Variants in SRFBP1 observed in about 807,000 individuals in gnomAD.
SRFBP1 encodes the protein serum response factor-binding protein 1.
SRFBP1 carries 47 observed loss-of-function variants against 45.5 expected under a neutral mutation model. That is an observed-to-expected ratio of 1.03 (90% CI 0.82 to 1.32). The LOEUF (loss-of-function observed/expected upper bound fraction) is 1.32, where lower values mean the gene tolerates loss of function less well. Among genes scored for constraint, SRFBP1 ranks in the 40% most tolerant of loss-of-function variants. The probability of loss-of-function intolerance (pLI) is 0.00; values close to 1 mark genes in which losing one functional copy is unlikely to be tolerated. For synonymous variants in SRFBP1, 203 were observed against 166.3 expected, an observed-to-expected ratio of 1.22 and a Z score of -1.70; for missense variants, 621 against 484.6, an observed-to-expected ratio of 1.28 and a Z score of -2.64.
At chr5:122,045,258 A>G (rs1206811930) in intron 2 of SRFBP1, among the ~76,000 whole-genome samples, 1 of 151,990 alleles carries the variant, frequency 6.6e-6, no homozygotes, top group Non-Finnish European at 1.5e-5. Flanking sequence ...GTTACTGTAG[A>G]TCTGTAGTAT....
downstream of SRFBP1, among the ~76,000 whole-genome samples, chr5:122,030,877 A>G (rs893177276): frequency 1.3e-5 from 2 of 152,222 alleles, no homozygotes; most frequent in Non-Finnish European, 2.9e-5. Context: ...AGAAAGGTTG[A>G]ACAACTAAAA....
At chr5:122,077,267 G>T (rs572695424), downstream of SRFBP1, 494 of 1,569,122 alleles carry the variant, frequency 3.1e-4, 11 homozygotes, top group South Asian at 5.7e-3. The surrounding 1 kb of genome is among the most constrained non-coding windows in gnomAD (Gnocchi z 4.9). Context: ...GAGGACCGGG[G>T]CCCGCCGCGC....
chr5:122,004,438 T>A (rs933000858), intron 4 of SRFBP1, among the ~76,000 whole-genome samples: 1 of 152,212 alleles, frequency 6.6e-6, no homozygotes, highest in African/African-American at 2.4e-5. Context: ...TGGCCATAAA[T>A]GCGTGGATTT....
downstream of SRFBP1, chr5:122,078,090 G>A (rs1754696612): frequency 5.5e-6 from 6 of 1,100,828 alleles, no homozygotes; most frequent in Non-Finnish European, 6.0e-6. Context: ...AACCAAGGAG[G>A]CGAGCGGAGC....
At chr5:121,969,952 T>G (rs1001774691) in intron 1 of SRFBP1, among the ~76,000 whole-genome samples, 1 of 152,136 alleles carries the variant, frequency 6.6e-6, no homozygotes, top group Non-Finnish European at 1.5e-5. Flanking sequence ...CATACTGTTT[T>G]TACAATTCTA....
chr5:121,976,890 T>A (rs1039105561), intron 3 of SRFBP1, among the ~76,000 whole-genome samples: 9 of 151,312 alleles, frequency 5.9e-5, no homozygotes, highest in Non-Finnish European at 1.2e-4. Flanking sequence ...AATATATACA[T>A]ACACACACAC....
rs772009075 is a variant in SRFBP1 at position 122,019,349 on chromosome 5, T to C, written c.352+8T>C. 6 of 1,604,766 alleles carry C rather than the reference T, an allele frequency of 3.7e-6. No individual in the cohort carries two copies. The African/African-American group carries it at 8.0e-5, about 22-fold the overall frequency. On this transcript the variant is annotated splice_region_variant and intron_variant, in intron 5 of 7. Transcript: ENST00000339397. The stretch of plus-strand genomic sequence containing the variant: ...AGATAGATGTGCTAAAAGGTATGAA[T>C]TAAATGACTTTTAAGCCATGTACTT...
intron 4 of SRFBP1, among the ~76,000 whole-genome samples, chr5:122,001,993 T>A (rs1340518112): frequency 6.6e-6 from 1 of 152,244 alleles, no homozygotes; most frequent in African/African-American, 2.4e-5. Context: ...AGAAAAAGAT[T>A]TAAAAATACT....
chr5:121,977,416 CTATA>C (rs1443542956), intron 3 of SRFBP1, among the ~76,000 whole-genome samples: 2 of 152,038 alleles, frequency 1.3e-5, no homozygotes, highest in African/African-American at 4.8e-5. Context: ...ACTAGAAAGA[CTATA>C]TATTTGCTGT....
chr5:122,026,640 G>A (rs1753486737), intron 7 of SRFBP1, among the ~76,000 whole-genome samples: 1 of 152,076 alleles, frequency 6.6e-6, no homozygotes, highest in African/African-American at 2.4e-5. Context: ...TTCCATGCTA[G>A]TACAACAGAG....
intron 3 of SRFBP1, among the ~76,000 whole-genome samples, chr5:121,989,210 C>T (rs533346340): frequency 5.3e-5 from 8 of 152,060 alleles, no homozygotes; most frequent in East Asian, 3.9e-4. Flanking sequence ...ATTACAGGCA[C>T]GTGCCACTAC....
chr5:122,033,335 A>G (rs1480829165), downstream of SRFBP1, among the ~76,000 whole-genome samples: 1 of 152,088 alleles, frequency 6.6e-6, no homozygotes, highest in Non-Finnish European at 1.5e-5. Context: ...TATTTCTGCC[A>G]TATAATCAGA....
At position 122,028,605 on chromosome 5, in the gene SRFBP1, A is replaced by C. The variant is rs1753538386; in HGVS notation, c.*1479A>C. On this transcript the variant is annotated 3_prime_UTR_variant, in exon 8 of 8. Coordinates refer to ENST00000339397, the MANE Select transcript of SRFBP1 (RefSeq NM_152546.3). ...CTGGGTGACAGAGTATGACTGTCTC[A>C]AAAAAAAAAAAAAATTTGATAAATA... 1 of 127,332 alleles carries C rather than the reference A, an allele frequency of 7.9e-6. No homozygotes were observed. Among genetic ancestry groups the C allele is most frequent in the Non-Finnish European group, 1.7e-5 (1 of 59,696 alleles). 7.9% of individuals were successfully genotyped at this position (127,332 alleles called of 1,614,324 possible).
chr5:122,066,798 T>G, intron 2 of SRFBP1: 1 of 1,168,286 alleles, frequency 8.6e-7, no homozygotes, highest in East Asian at 2.3e-5. Context: ...GATAATATAA[T>G]GAATGAGTAC....
chr5:122,022,576 C>A, intron 7 of SRFBP1, among the ~76,000 whole-genome samples, 169 bp downstream of exon 7: 1 of 152,056 alleles, frequency 6.6e-6, no homozygotes. Flanking sequence ...TGTTGGTTTT[C>A]TTTTCTTCTG....
chr5:121,962,390 G>A lies in SRFBP1; in HGVS notation c.36+322G>A, dbSNP rs1431671206. ...GTCCCAGGGTTGTGAGATTAACTGAGATACGTAAAGTATTTGCAAGTGCCT... is the reference window on the plus strand; with the variant it reads ...GTCCCAGGGTTGTGAGATTAACTGAAATACGTAAAGTATTTGCAAGTGCCT... On this transcript the variant is annotated intron_variant, in intron 1 of 7. Coordinates refer to ENST00000339397, the MANE Select transcript of SRFBP1 (RefSeq NM_152546.3). Among the ~76,000 whole-genome samples the A allele has an allele frequency of 2.0e-5, 3 of 152,172 alleles. No individual in the cohort carries two copies. The East Asian group carries it at 5.8e-4, about 29-fold the overall frequency.
intron 4 of SRFBP1, among the ~76,000 whole-genome samples, chr5:121,998,846 C>G (rs941210400): frequency 9.9e-5 from 15 of 152,240 alleles, no homozygotes; most frequent in Admixed American, 5.9e-4. Context: ...GTGGCATCAT[C>G]ATTACATTTT....
intron 4 of SRFBP1, among the ~76,000 whole-genome samples, chr5:121,998,835 G>A (rs951930152): frequency 6.6e-6 from 1 of 152,124 alleles, no homozygotes; most frequent in Non-Finnish European, 1.5e-5. Context: ...ACCAGTGTTA[G>A]GTGGCATCAT....
rs1754316188 is a variant in SRFBP1 at position 122,066,885 on chromosome 5, G to A, written n.312-8430G>A. The A allele has an allele frequency of 4.7e-6, 3 of 633,370 alleles. No homozygotes were observed. The East Asian group carries it at 8.0e-5, about 17-fold the overall frequency. The allele number at this position is 633,370 out of a possible 1,614,324, so 39.2% of individuals were successfully genotyped here. A position where few individuals can be genotyped will look rare whatever the true frequency, so the allele number is the denominator to read the frequency against. On this transcript the variant is annotated intron_variant and non_coding_transcript_variant, in intron 2 of 2. Transcript: ENST00000504881. ...TCCACCTAAGCAGCAATCATGTTGT[G>A]AAATTATGCAGTAGTACATCATTTT...
Sources: gnomAD v4.1 joint callset for allele counts (sites outside exome capture counted in the v4.1 genomes callset) on GRCh38, gnomAD v4.1.1 for gene constraint, Gnocchi (gnomAD v3.1) non-coding constraint, MANE v1.5 for transcripts, NCBI Gene and HGNC (gene_info 2026-07-23, HGNC 2026-07-21) for gene names.